MAP4K3: variants seen among roughly 807,000 people sequenced by gnomAD.
The protein encoded by MAP4K3 is MAPK/ERK kinase kinase kinase 3.
Under a neutral mutation model 143.5 loss-of-function variants are expected in MAP4K3, and 94 were observed. That is an observed-to-expected ratio of 0.65 (90% confidence interval 0.55 to 0.78). MAP4K3 has a LOEUF of 0.78. MAP4K3 is among the 30% of genes least tolerant of loss of function. The pLI is 0.00. For synonymous variants in MAP4K3, 416 were observed against 347.2 expected (o/e 1.20, Z -2.20); for missense variants, 1,077 against 1,068.1 (o/e 1.01, Z -0.12).
chr2:39,328,000 C>T (rs910762135), intron 8 of MAP4K3, among the ~76,000 whole-genome samples: 3 of 152,192 alleles, frequency 2.0e-5, no homozygotes, highest in African/African-American at 4.8e-5. Context: ...GTTACATTTG[C>T]TATTGTAAAC....
intron 1 of MAP4K3, among the ~76,000 whole-genome samples, chr2:39,435,681 T>G (rs572143805): frequency 6.6e-6 from 1 of 152,162 alleles, no homozygotes; most frequent in Non-Finnish European, 1.5e-5. Context: ...TAGAAACACT[T>G]AGGAAGATTT....
intron 32 of MAP4K3, among the ~76,000 whole-genome samples, chr2:39,252,408 T>A (rs575648655): frequency 1.3e-5 from 2 of 152,360 alleles, no homozygotes; most frequent in African/African-American, 4.8e-5. Context: ...AGATCTACCA[T>A]GCAGTAGAGC....
chr2:39,419,424 T>C (rs1051281772), intron 1 of MAP4K3, among the ~76,000 whole-genome samples: 1 of 152,192 alleles, frequency 6.6e-6, no homozygotes, highest in Non-Finnish European at 1.5e-5. Flanking sequence ...TATTACCTTA[T>C]AGAAATATTC....
At chr2:39,285,561 A>C (rs528171517) in intron 21 of MAP4K3, among the ~76,000 whole-genome samples, 1 of 152,230 alleles carries the variant, frequency 6.6e-6, no homozygotes, top group Non-Finnish European at 1.5e-5. Flanking sequence ...CAGAAATTAC[A>C]ATGAATAACA....
Position 39,288,287 on chromosome 2 carries a change from T to A in MAP4K3, c.1315-7A>T. The stretch of plus-strand genomic sequence containing the variant: ...GTATGAAGATAGACTTAGGCTGAAA[T>A]AATATAGAAAAAGAGACCAACAATG... On this transcript the variant is annotated splice_polypyrimidine_tract_variant and splice_region_variant and intron_variant, in intron 19 of 33. Coordinates refer to ENST00000263881, the MANE Select transcript of MAP4K3 (RefSeq NM_003618.4). 1.2e-6 allele frequency: 2 copies of A among 1,611,984 alleles called. No homozygotes were observed. Among genetic ancestry groups the A allele is most frequent in the Non-Finnish European group, 1.7e-6 (2 of 1,178,476 alleles).
intron 1 of MAP4K3, among the ~76,000 whole-genome samples, chr2:39,417,925 G>C (rs1325423291): frequency 6.6e-6 from 1 of 152,122 alleles, no homozygotes; most frequent in Non-Finnish European, 1.5e-5. Flanking sequence ...AATGATGGCT[G>C]GGTGCAGTGG....
chr2:39,369,809 C>A (rs996742411), intron 2 of MAP4K3, among the ~76,000 whole-genome samples: 7 of 152,158 alleles, frequency 4.6e-5, no homozygotes, highest in Non-Finnish European at 8.8e-5. Flanking sequence ...ATTCCCAACC[C>A]AGAGTATTTC....
At chr2:39,286,684 T>C (rs1359192065) in intron 21 of MAP4K3, among the ~76,000 whole-genome samples, 168 bp downstream of exon 21, 2 of 152,202 alleles carry the variant, frequency 1.3e-5, no homozygotes, top group African/African-American at 4.8e-5. Flanking sequence ...AGTTACTTTT[T>C]TCAAGATTTA....
intron 1 of MAP4K3, among the ~76,000 whole-genome samples, chr2:39,394,045 G>A (rs1666739619): frequency 6.6e-6 from 1 of 152,094 alleles, no homozygotes; most frequent in South Asian, 2.1e-4. Flanking sequence ...CTCCATCAAG[G>A]CTTTGAACAT....
intron 24 of MAP4K3, among the ~76,000 whole-genome samples, chr2:39,273,647 G>A (rs1055706811): frequency 2.0e-5 from 3 of 152,054 alleles, no homozygotes; most frequent in African/African-American, 7.2e-5. Context: ...ATAAAAGGGA[G>A]GAGAAACAAA....
chr2:39,429,884 C>G (rs1665230607), intron 1 of MAP4K3, among the ~76,000 whole-genome samples: 1 of 152,112 alleles, frequency 6.6e-6, no homozygotes, highest in African/African-American at 2.4e-5. Flanking sequence ...CTCAAAAGAA[C>G]AAGAGTCCAG....
intron 1 of MAP4K3, among the ~76,000 whole-genome samples, chr2:39,381,898 T>C (rs1666364180): frequency 6.6e-6 from 1 of 152,158 alleles, no homozygotes; most frequent in African/African-American, 2.4e-5. Flanking sequence ...CCACAAGCCT[T>C]TTCCTGGCCC....
In MAP4K3 at chr2:39,405,557, C is replaced by T. The variant is rs146454027; in HGVS notation, c.97-27434G>A. Among the ~76,000 whole-genome samples, 588 of 152,250 alleles carry T rather than the reference C, an allele frequency of 3.9e-3. 7 individuals carry two copies. Among genetic ancestry groups the T allele is most frequent in the African/African-American group, 0.013 (559 of 41,554 alleles). ...ATCAAGACCATCCAAGGAAACATGA[C>T]CTCATCAAACAAACTAAATAAGACA... On this transcript the variant is annotated intron_variant, in intron 1 of 33. Transcript: ENST00000263881.
At chr2:39,424,007 G>A (rs926309003) in intron 1 of MAP4K3, among the ~76,000 whole-genome samples, 1 of 151,948 alleles carries the variant, frequency 6.6e-6, no homozygotes, top group Non-Finnish European at 1.5e-5. Flanking sequence ...GCAGTGGCAC[G>A]ATCTCAGCTC....
chr2:39,328,487 C>T (rs191436260), intron 8 of MAP4K3, among the ~76,000 whole-genome samples: 1 of 152,236 alleles, frequency 6.6e-6, no homozygotes, highest in Admixed American at 6.5e-5. Context: ...TTATATGATT[C>T]CATTTCTATG....
intron 1 of MAP4K3, among the ~76,000 whole-genome samples, chr2:39,402,845 C>G: frequency 6.6e-6 from 1 of 151,234 alleles, no homozygotes; most frequent in East Asian, 1.9e-4. Flanking sequence ...CACAAATTTA[C>G]CAATGTTGGG....
intron 1 of MAP4K3, among the ~76,000 whole-genome samples, chr2:39,428,196 C>A (rs1239442667): frequency 1.3e-5 from 2 of 152,246 alleles, no homozygotes; most frequent in Non-Finnish European, 2.9e-5. Context: ...GGTTTAAGTT[C>A]CTCAGGGTAA....
At chr2:39,349,164 A>C (rs2148542777) in intron 3 of MAP4K3, among the ~76,000 whole-genome samples, 1 of 152,342 alleles carries the variant, frequency 6.6e-6, no homozygotes, top group South Asian at 2.1e-4. Flanking sequence ...ATTCAGCAAA[A>C]TAATTCAACC....
At chr2:39,373,880 T>C (rs1666148544) in intron 2 of MAP4K3, among the ~76,000 whole-genome samples, 1 of 152,082 alleles carries the variant, frequency 6.6e-6, no homozygotes, top group Non-Finnish European at 1.5e-5. Flanking sequence ...GCCCTAGTAT[T>C]TGCAAGCACA....
Sources: gnomAD v4.1 joint callset for allele counts (sites outside exome capture counted in the v4.1 genomes callset) on GRCh38, gnomAD v4.1.1 for gene constraint, MANE v1.5 for transcripts, NCBI Gene and HGNC (gene_info 2026-07-23, HGNC 2026-07-21) for gene names.